Variants in HMGCLL1 observed in about 807,000 individuals in gnomAD.
The protein encoded by HMGCLL1 is 3-hydroxy-3-methylglutaryl-CoA lyase like 1, also known as 3-hydroxymethyl-3-methylglutaryl-CoA lyase, cytoplasmic.
Under a neutral mutation model 39.1 loss-of-function variants are expected in HMGCLL1, and 36 were observed. The ratio of observed to expected loss-of-function variants is 0.92; its 90% CI spans 0.71 to 1.22. HMGCLL1 has a LOEUF of 1.22. Ranked by LOEUF, HMGCLL1 falls within the 50% of genes most tolerant of loss-of-function variation. The pLI, the probability that HMGCLL1 is intolerant of heterozygous loss-of-function variation, is 0.00. For missense variants in HMGCLL1, 451 were observed against 416.5 expected, an observed-to-expected ratio of 1.08 and a Z score of -0.72; for synonymous variants, 149 against 144.0, an observed-to-expected ratio of 1.03 and a Z score of -0.25.
the HMGCLL1 span, among the ~76,000 whole-genome samples, chr6:55,595,124 G>T: frequency 6.6e-6 from 1 of 152,108 alleles, no homozygotes; most frequent in Non-Finnish European, 1.5e-5. Flanking sequence ...GAATTTTTAA[G>T]TATTTACCAA....
the HMGCLL1 span, among the ~76,000 whole-genome samples, chr6:55,587,179 G>A: frequency 1.3e-5 from 2 of 152,110 alleles, no homozygotes; most frequent in Non-Finnish European, 2.9e-5. Flanking sequence ...TCTTTTGGCT[G>A]CATAAATGTC....
chr6:55,435,795 C>T (rs990739294), intron 8 of HMGCLL1, 32 bp from the exon 9 acceptor site: 1 of 1,178,084 alleles, frequency 8.5e-7, no homozygotes, highest in African/African-American at 1.6e-5. Context: ...ATCAGGAAGG[C>T]AGAGGGATTA....
chr6:55,503,485 T>C (rs1178254896), intron 5 of HMGCLL1, among the ~76,000 whole-genome samples: 1 of 151,676 alleles, frequency 6.6e-6, no homozygotes, highest in South Asian at 2.1e-4. Flanking sequence ...TGAGACTTTT[T>C]TTTTCTCAGC....
intron 7 of HMGCLL1, among the ~76,000 whole-genome samples, chr6:55,467,524 C>T (rs920501387): frequency 6.6e-6 from 1 of 152,092 alleles, no homozygotes; most frequent in Admixed American, 6.6e-5. Flanking sequence ...AAACAGAGAG[C>T]TTCTGAATTT....
chr6:55,595,675 T>C, the HMGCLL1 span, among the ~76,000 whole-genome samples: 1 of 152,152 alleles, frequency 6.6e-6, no homozygotes, highest in African/African-American at 2.4e-5. Flanking sequence ...AAAAGCAGTG[T>C]TCTTACTAAG....
intron 7 of HMGCLL1, among the ~76,000 whole-genome samples, chr6:55,453,142 T>C (rs957124180): frequency 1.3e-5 from 2 of 152,124 alleles, no homozygotes; most frequent in Non-Finnish European, 2.9e-5. Context: ...GCCAAGCATG[T>C]ACTAAGAAGT....
Position 55,489,007 on chromosome 6 carries a change from C to T in HMGCLL1, c.795+6412G>A, listed in dbSNP as rs181796521. 1.8e-4 allele frequency among the ~76,000 whole-genome samples: 27 copies of T among 151,958 alleles called. No homozygotes were observed. In the East Asian group the frequency reaches 4.8e-3, roughly 27 times the overall value. Reference sequence around the variant, plus strand: ...ATATAACCATTAACTGGTTATATTACATTAAGCTAAAAAAACAGTCATGTG... The same window carrying T: ...ATATAACCATTAACTGGTTATATTATATTAAGCTAAAAAAACAGTCATGTG... On this transcript the variant is annotated intron_variant, in intron 7 of 8. Coordinates refer to ENST00000274901, the MANE Select transcript of HMGCLL1 (RefSeq NM_001042406.2).
At chr6:55,586,461 T>C in the HMGCLL1 span, among the ~76,000 whole-genome samples, 2 of 151,936 alleles carry the variant, frequency 1.3e-5, no homozygotes, top group East Asian at 3.9e-4. Flanking sequence ...TTGTTACATA[T>C]GTATATATGT....
At chr6:55,631,006 A>G in the HMGCLL1 span, among the ~76,000 whole-genome samples, 2 of 151,864 alleles carry the variant, frequency 1.3e-5, no homozygotes, top group Admixed American at 1.3e-4. Flanking sequence ...TTGACCTTTG[A>G]GAGTTTGATT....
At position 55,495,625 on chromosome 6, in the gene HMGCLL1, G is replaced by C. The variant is rs748540549; in HGVS notation, c.607-18C>G. The C allele has an allele frequency of 4.5e-6, 7 of 1,545,920 alleles. No individual in the cohort carries two copies. Among genetic ancestry groups the C allele is most frequent in the South Asian group, 2.5e-5 (2 of 80,464 alleles). On this transcript the variant is annotated intron_variant, in intron 6 of 8. Coordinates refer to ENST00000274901, the MANE Select transcript of HMGCLL1 (RefSeq NM_001042406.2). ...TTAGACACCTGTTGATAAAGGTGAAGTGCTAGTAAAATAATGGAAATGAAG... is the reference window on the plus strand; with the variant it reads ...TTAGACACCTGTTGATAAAGGTGAACTGCTAGTAAAATAATGGAAATGAAG...
chr6:55,615,337 A>T, the HMGCLL1 span, among the ~76,000 whole-genome samples: 2 of 152,152 alleles, frequency 1.3e-5, no homozygotes, highest in Admixed American at 6.6e-5. Flanking sequence ...CATGAGGAAT[A>T]ACTGCCCCAG....
chr6:55,520,125 C>T (rs893735116), intron 3 of HMGCLL1, among the ~76,000 whole-genome samples: 1 of 150,386 alleles, frequency 6.6e-6, no homozygotes, highest in Non-Finnish European at 1.5e-5. Flanking sequence ...GGAGGGATAG[C>T]ATTAGGAGAA....
At chr6:55,466,337 T>A (rs993612474) in intron 7 of HMGCLL1, among the ~76,000 whole-genome samples, 2 of 152,064 alleles carry the variant, frequency 1.3e-5, no homozygotes, top group Non-Finnish European at 2.9e-5. Flanking sequence ...CTTTGTCAAG[T>A]TCCACAGGAA....
At chr6:55,623,095 A>G in the HMGCLL1 span, among the ~76,000 whole-genome samples, 2 of 151,950 alleles carry the variant, frequency 1.3e-5, no homozygotes, top group Admixed American at 6.6e-5. Context: ...TCTATCAGTT[A>G]TAATATATCC....
chr6:55,453,738 G>C (rs1764202295), intron 7 of HMGCLL1, among the ~76,000 whole-genome samples: 1 of 152,196 alleles, frequency 6.6e-6, no homozygotes, highest in African/African-American at 2.4e-5. Flanking sequence ...CCAATCATTA[G>C]TGATGACTAT....
At chr6:55,586,303 C>T in the HMGCLL1 span, among the ~76,000 whole-genome samples, 15,973 of 151,828 alleles carry the variant, frequency 0.11, 1,116 homozygotes, top group East Asian at 0.3. Context: ...TAGACAGAGC[C>T]TATCATGATG....
At position 55,524,966 on chromosome 6, in the gene HMGCLL1, TTAATAG is replaced by T. The variant is rs950659934; in HGVS notation, c.298-8369_298-8364del. 2.7e-4 allele frequency among the ~76,000 whole-genome samples: 41 copies of T among 149,942 alleles called. No individual in the cohort carries two copies. In the East Asian group the frequency reaches 7.8e-3, roughly 29 times the overall value. ...TAATACTAATTACTATTACTATTAA[TTAATAG>T]TAATAGTAATAGTAATTAATATTAT... On this transcript the variant is annotated intron_variant, in intron 3 of 8. Coordinates refer to ENST00000274901, the MANE Select transcript of HMGCLL1 (RefSeq NM_001042406.2).
the HMGCLL1 span, among the ~76,000 whole-genome samples, chr6:55,635,842 T>A: frequency 6.6e-6 from 1 of 152,128 alleles, no homozygotes; most frequent in African/African-American, 2.4e-5. Context: ...TGACATTGAA[T>A]AAAAAATGTG....
the HMGCLL1 span, among the ~76,000 whole-genome samples, chr6:55,620,063 C>CT: frequency 5.3e-5 from 8 of 152,124 alleles, no homozygotes; most frequent in African/African-American, 1.4e-4. Context: ...TAAGTACCTC[C>CT]TTTTTTTATT....
Sources: allele counts gnomAD v4.1 joint callset (sites outside exome capture counted in the v4.1 genomes callset), GRCh38; gene constraint gnomAD v4.1.1; transcripts MANE v1.5; gene names NCBI Gene and HGNC (gene_info 2026-07-23, HGNC 2026-07-21).